TUSC3: variants seen among roughly 807,000 people sequenced by gnomAD.
TUSC3 encodes dolichyl-diphosphooligosaccharide--protein glycosyltransferase subunit TUSC3.
In TUSC3, 45 loss-of-function variants were observed where a neutral mutation model predicts 44.8. The ratio of observed to expected loss-of-function variants is 1.00; its 90% CI spans 0.79 to 1.29. The LOEUF (loss-of-function observed/expected upper bound fraction) is 1.29. Ranked by LOEUF, TUSC3 falls within the 50% of genes most tolerant of loss-of-function variation. TUSC3 has a pLI of 0.00. For synonymous variants in TUSC3, 212 were observed against 152.9 expected (o/e 1.39, Z -2.85); for missense variants, 519 against 437.9 (o/e 1.19, Z -1.65).
chr8:15,624,892 GT>G (rs573311259), intron 2 of TUSC3, among the ~76,000 whole-genome samples: 8 of 149,058 alleles, frequency 5.4e-5, no homozygotes, highest in East Asian at 2.0e-4. Context: ...ATCTTCTCCT[GT>G]TTTTTTTTCT....
intron 1 of TUSC3, among the ~76,000 whole-genome samples, chr8:15,467,340 T>A (rs73665413): frequency 4.3e-4 from 65 of 150,502 alleles, no homozygotes; most frequent in African/African-American, 1.4e-3. Context: ...ATAATCCTCC[T>A]ACATCTTGAA....
At chr8:15,783,648 G>A in the TUSC3 span, among the ~76,000 whole-genome samples, 12 of 152,288 alleles carry the variant, frequency 7.9e-5, no homozygotes, top group African/African-American at 2.6e-4. Flanking sequence ...TTAATAAATG[G>A]TGTTGGGGAA....
intron 1 of TUSC3, among the ~76,000 whole-genome samples, chr8:15,441,902 G>A (rs1800025589): frequency 6.6e-6 from 1 of 152,224 alleles, no homozygotes; most frequent in Middle Eastern, 3.4e-3. Flanking sequence ...AATGGATCTT[G>A]TATTCATTTT....
chr8:15,561,506 C>A (rs1230373294), intron 1 of TUSC3: 1 of 148,196 alleles, frequency 6.7e-6, no homozygotes, highest in East Asian at 2.0e-4. Context: ...GGCAGGCAGG[C>A]CTCCTTGAGC....
chr8:15,681,323 G>GT (rs1227297558), intron 6 of TUSC3, among the ~76,000 whole-genome samples: 1 of 151,456 alleles, frequency 6.6e-6, no homozygotes, highest in Admixed American at 6.6e-5. Context: ...TGGTTAGTAG[G>GT]TTTTTTATTA....
chr8:15,452,039 C>T (rs1315542306), intron 1 of TUSC3, among the ~76,000 whole-genome samples: 1 of 152,046 alleles, frequency 6.6e-6, no homozygotes, highest in East Asian at 1.9e-4. Flanking sequence ...AACATGAAAC[C>T]ACTCAGCACC....
chr8:15,647,021 A>G (rs547239690), intron 2 of TUSC3, among the ~76,000 whole-genome samples: 22 of 152,094 alleles, frequency 1.4e-4, no homozygotes, highest in Non-Finnish European at 2.5e-4. Context: ...ATGAGCAGAC[A>G]TCTTCTTCCC....
chr8:15,800,976 C>G, the TUSC3 span, among the ~76,000 whole-genome samples: 6 of 152,130 alleles, frequency 3.9e-5, no homozygotes, highest in Non-Finnish European at 7.4e-5. Context: ...CATGCCTGCA[C>G]TATTTTAGCT....
rs535854034 is a variant in TUSC3 at position 15,748,862 on chromosome 8, T to C, written c.1028+397T>C. On this transcript the variant is annotated intron_variant, in intron 9 of 10. Coordinates refer to ENST00000503731, the MANE Select transcript of TUSC3 (RefSeq NM_006765.4). ...TTATCTTTTGAATTCTACAAAATTT[T>C]AACTTTTCAAAATAAGAGCCAACAT... is the stretch of plus-strand genomic sequence containing the variant. The C allele has an allele frequency of 8.7e-5, 35 of 403,112 alleles. No individual in the cohort carries two copies. The East Asian group carries it at 1.0e-3, about 12-fold the overall frequency. The allele number at this position is 403,112 out of a possible 1,614,324, so 25.0% of individuals were successfully genotyped here. A position where few individuals can be genotyped will look rare whatever the true frequency, so the allele number is the denominator to read the frequency against.
At chr8:15,695,873 G>T (rs1017459735) in intron 6 of TUSC3, among the ~76,000 whole-genome samples, 1 of 152,172 alleles carries the variant, frequency 6.6e-6, no homozygotes, top group Non-Finnish European at 1.5e-5. Flanking sequence ...TTTAGGGTAT[G>T]TGGTGGAAGA....
intron 2 of TUSC3, among the ~76,000 whole-genome samples, chr8:15,503,980 C>T (rs1801009674): frequency 6.8e-6 from 1 of 148,042 alleles, no homozygotes; most frequent in Non-Finnish European, 1.5e-5. Flanking sequence ...CACCACTGCT[C>T]TCCAGCCTGG....
chr8:15,550,781 C>T (rs376314455), intron 1 of TUSC3, among the ~76,000 whole-genome samples: 4 of 151,596 alleles, frequency 2.6e-5, no homozygotes, highest in Non-Finnish European at 4.4e-5. Flanking sequence ...AAGTGATTCT[C>T]GTGCCTCAGC....
chr8:15,586,716 C>T (rs1234735979), intron 1 of TUSC3, among the ~76,000 whole-genome samples: 2 of 152,168 alleles, frequency 1.3e-5, no homozygotes, highest in African/African-American at 4.8e-5. Context: ...AGCTGTCACT[C>T]ATAGCTGAGC....
intron 2 of TUSC3, among the ~76,000 whole-genome samples, chr8:15,503,914 C>T (rs753665898): frequency 1.0e-4 from 15 of 150,244 alleles, no homozygotes; most frequent in Non-Finnish European, 2.1e-4. Flanking sequence ...ACTTGGGAGG[C>T]TGAGGCACAA....
chr8:15,494,943 G>A (rs1182166395), intron 2 of TUSC3, among the ~76,000 whole-genome samples: 1 of 151,972 alleles, frequency 6.6e-6, no homozygotes, highest in Non-Finnish European at 1.5e-5. Context: ...TCTCTTAATA[G>A]CAAAAACATT....
At chr8:15,568,674 C>T (rs1055277215) in intron 1 of TUSC3, among the ~76,000 whole-genome samples, 2 of 149,558 alleles carry the variant, frequency 1.3e-5, no homozygotes, top group Non-Finnish European at 3.0e-5. Context: ...ATAATCTTAG[C>T]GCACTGCAAC....
intron 1 of TUSC3, among the ~76,000 whole-genome samples, chr8:15,472,323 G>T (rs560452970): frequency 2.0e-5 from 3 of 152,076 alleles, no homozygotes; most frequent in African/African-American, 4.8e-5. Context: ...CTAGACAGTG[G>T]ACCACAGAAA....
At position 15,607,846 on chromosome 8, in the gene TUSC3, T is replaced by C. The variant is rs1050371341; in HGVS notation, c.139-15234T>C. On this transcript the variant is annotated intron_variant, in intron 1 of 10. Transcript: ENST00000503731. ...TTAAAAATGTAGAAATTTTGTACTT[T>C]TACATTTCCTCCCTAATTCTCTTCC... Among the ~76,000 whole-genome samples the C allele has an allele frequency of 3.9e-5, 6 of 152,222 alleles. No individual in the cohort carries two copies. The South Asian group carries it at 1.2e-3, about 31-fold the overall frequency.
At chr8:15,806,814 T>C in the TUSC3 span, 71 of 882,218 alleles carry the variant, frequency 8.0e-5, no homozygotes, top group Non-Finnish European at 7.7e-5. Flanking sequence ...TGTGAAGAAA[T>C]GAACTTTCCT....
Sources: gnomAD v4.1 joint callset for allele counts (sites outside exome capture counted in the v4.1 genomes callset) on GRCh38, gnomAD v4.1.1 for gene constraint, MANE v1.5 for transcripts, NCBI Gene and HGNC (gene_info 2026-07-23, HGNC 2026-07-21) for gene names.